Variants in CLCN5 observed in about 807,000 individuals in gnomAD.
The protein encoded by CLCN5 is Cl-/H+ antiporter 5.
A neutral mutation model predicts 54.0 loss-of-function variants in CLCN5; 17 were observed. The observed-to-expected ratio is 0.31, with a 90% confidence interval of 0.22 to 0.47. CLCN5 has a LOEUF of 0.47. Among genes scored for constraint, CLCN5 ranks in the 20% least tolerant of loss-of-function variants. The probability of loss-of-function intolerance (pLI) is 1.00; values close to 1 mark genes in which losing one functional copy is unlikely to be tolerated. For synonymous variants in CLCN5, 222 were observed against 233.0 expected, an observed-to-expected ratio of 0.95 and a Z score of 0.43; for missense variants, 448 against 646.7, an observed-to-expected ratio of 0.69 and a Z score of 3.33.
chrX:50,012,547 G>A (rs1228382570), intron 3 of CLCN5, among the ~76,000 whole-genome samples: 1 of 112,382 alleles, frequency 8.9e-6, no homozygotes, highest in Non-Finnish European at 1.9e-5. Flanking sequence ...TTCATTCTTC[G>A]TAGTTGGGTA....
At chrX:49,990,896 A>G (rs1929224940) in intron 3 of CLCN5, among the ~76,000 whole-genome samples, 1 of 112,259 alleles carries the variant, frequency 8.9e-6, no homozygotes, top group African/African-American at 3.2e-5. Flanking sequence ...GTTCCTTTTT[A>G]TGGCTGAGTA....
At chrX:49,934,429 G>C (rs1557169294) in intron 3 of CLCN5, among the ~76,000 whole-genome samples, 1 of 111,411 alleles carries the variant, frequency 9.0e-6, no homozygotes, top group Admixed American at 9.6e-5. Context: ...ACGAATGCCA[G>C]ATTCTCCTTC....
chrX:50,040,351 A>G (rs938705983), intron 3 of CLCN5, among the ~76,000 whole-genome samples: 1 of 111,801 alleles, frequency 8.9e-6, no homozygotes, highest in African/African-American at 3.3e-5. Context: ...TAGCTGAGGA[A>G]GTTGTTTTAT....
chrX:49,981,236 G>T (rs1201994660), intron 3 of CLCN5, among the ~76,000 whole-genome samples: 1 of 111,514 alleles, frequency 9.0e-6, no homozygotes, highest in African/African-American at 3.3e-5. Context: ...TCCCCAATGA[G>T]CCGTTATTTC....
At chrX:49,970,748 A>G (rs1262312301) in intron 3 of CLCN5, among the ~76,000 whole-genome samples, 1 of 111,854 alleles carries the variant, frequency 8.9e-6, no homozygotes, top group Non-Finnish European at 1.9e-5. Flanking sequence ...GGGTGGACAT[A>G]TATTTTCATT....
chrX:50,055,363 C>T (rs1215649804), intron 4 of CLCN5, among the ~76,000 whole-genome samples: 1 of 111,543 alleles, frequency 9.0e-6, no homozygotes, highest in Non-Finnish European at 1.9e-5. Flanking sequence ...GGCAGTTGCC[C>T]AAGGTGACAC....
Position 50,090,831 on chromosome X carries a change from G to A in CLCN5, c.2305G>A (p.Val769Ile), listed in dbSNP as rs201962580. 5.0e-5 allele frequency: 61 copies of A among 1,209,575 alleles called. No individual in the cohort carries two copies. The highest frequency in any genetic ancestry group is 6.4e-5 in the Non-Finnish European group (57 of 895,088). The change falls in exon 14 of 15, where the codon GTA becomes ATA. Residue 769 changes from valine to isoleucine, a missense_variant. By Grantham distance (29) the Val-to-Ile change is conservative. Coordinates refer to ENST00000376091, the MANE Select transcript of CLCN5 (RefSeq NM_001127898.4). ...TVTDLTPMEI[V>I]VDIFRKLGLR... is the part of the protein sequence containing the mutation. ...GACTGACCTTACACCCATGGAGATCGTAGTGGATATTTTCCGAAAGCTGGG... is the reference window on the plus strand; with the variant it reads ...GACTGACCTTACACCCATGGAGATCATAGTGGATATTTTCCGAAAGCTGGG...
At chrX:49,962,723 C>G (rs1927660537) in intron 3 of CLCN5, among the ~76,000 whole-genome samples, 1 of 111,776 alleles carries the variant, frequency 8.9e-6, no homozygotes, top group South Asian at 3.8e-4. Flanking sequence ...CTTTAAATGT[C>G]ATTCTCACCT....
At chrX:49,946,687 A>T (rs1448420616) in intron 3 of CLCN5, among the ~76,000 whole-genome samples, 1 of 111,080 alleles carries the variant, frequency 9.0e-6, no homozygotes, top group African/African-American at 3.3e-5. Flanking sequence ...TGTCCCACTC[A>T]TACTCAGGGA....
At chrX:49,928,156 G>C (rs1198303531) in intron 3 of CLCN5, among the ~76,000 whole-genome samples, 2 of 112,124 alleles carry the variant, frequency 1.8e-5, no homozygotes, top group Non-Finnish European at 3.8e-5. Flanking sequence ...GTAAAAAATT[G>C]GAATGTTTCT....
intron 3 of CLCN5, among the ~76,000 whole-genome samples, chrX:49,946,716 C>A (rs1159260878): frequency 1.8e-5 from 2 of 111,777 alleles, no homozygotes; most frequent in African/African-American, 6.5e-5. Context: ...TAAACAAGGA[C>A]ATGAATACCA....
intron 3 of CLCN5, among the ~76,000 whole-genome samples, chrX:50,023,189 T>C (rs1193648633): frequency 1.2e-5 from 1 of 80,152 alleles, no homozygotes; most frequent in Non-Finnish European, 2.2e-5. Flanking sequence ...ATATTTAGGA[T>C]AGTTAGCTCC....
intron 3 of CLCN5, among the ~76,000 whole-genome samples, chrX:49,947,068 C>T (rs782739181): frequency 6.3e-5 from 7 of 110,535 alleles, no homozygotes; most frequent in African/African-American, 9.9e-5. Context: ...GTGATCTGCC[C>T]GTCTTGGCCT....
intron 3 of CLCN5, among the ~76,000 whole-genome samples, chrX:49,934,316 T>C (rs1479206705): frequency 8.9e-6 from 1 of 111,991 alleles, no homozygotes; most frequent in Non-Finnish European, 1.9e-5. Flanking sequence ...TAAATTCTTA[T>C]TATTTAACCA....
intron 3 of CLCN5, among the ~76,000 whole-genome samples, chrX:49,985,398 G>C (rs1928950403): frequency 9.0e-6 from 1 of 111,634 alleles, no homozygotes; most frequent in African/African-American, 3.3e-5. Flanking sequence ...ACAAATTATT[G>C]TGAGAAAGAA....
intron 3 of CLCN5, among the ~76,000 whole-genome samples, chrX:49,961,349 A>G (rs1927587185): frequency 8.9e-6 from 1 of 112,178 alleles, no homozygotes; most frequent in African/African-American, 3.2e-5. Flanking sequence ...AGATATTTAA[A>G]TACATTCTAA....
In CLCN5 at chrX:50,098,558, A is replaced by C. The variant is rs1375234910; in HGVS notation, c.*6339A>C. The C allele has an allele frequency of 8.8e-6, 1 of 113,100 alleles. No homozygotes were observed. Among genetic ancestry groups the C allele is most frequent in the African/African-American group, 3.2e-5 (1 of 31,086 alleles). 9.3% of individuals were successfully genotyped at this position (113,100 alleles called of 1,213,427 possible). On this transcript the variant is annotated 3_prime_UTR_variant, in exon 15 of 15. Transcript: ENST00000376091. ...CCAAAGAAAACCTGTCTGACTCGAC[A>C]TTTTAATGCCTGAGAGTTGGTGAAA...
chrX:49,992,696 C>G (rs1195539607), intron 3 of CLCN5, among the ~76,000 whole-genome samples: 1 of 111,487 alleles, frequency 9.0e-6, no homozygotes, highest in African/African-American at 3.3e-5. Context: ...TTTCTTAACT[C>G]AGTGTTCCAT....
chrX:50,060,216 G>T (rs1047628726), intron 4 of CLCN5, among the ~76,000 whole-genome samples: 34 of 110,329 alleles, frequency 3.1e-4, no homozygotes, highest in African/African-American at 1.1e-3. Context: ...CGCAGAAGAC[G>T]GGTGATTTCT....
Sources: allele counts gnomAD v4.1 joint callset (sites outside exome capture counted in the v4.1 genomes callset), GRCh38; gene constraint gnomAD v4.1.1; transcripts MANE v1.5; gene names NCBI Gene and HGNC (gene_info 2026-07-23, HGNC 2026-07-21).